The following SLC12A3 variants were observed in gnomAD, a reference collection of about 807,000 sequenced individuals.
SLC12A3 encodes the protein Na-Cl cotransporter.
In SLC12A3, 104 loss-of-function variants were observed where a neutral mutation model predicts 121.0. That is an observed-to-expected ratio of 0.86 (90% confidence interval 0.73 to 1.01). The LOEUF (loss-of-function observed/expected upper bound fraction) is 1.01. SLC12A3 is among the 50% of genes least tolerant of loss of function. SLC12A3 has a pLI of 0.00. For missense variants in SLC12A3, 1,328 were observed against 1,356.3 expected (o/e 0.98, Z 0.33); for synonymous variants, 536 against 533.4 (o/e 1.00, Z -0.07).
At chr16:56,909,855 G>A (rs546351365) in intron 25 of SLC12A3, among the ~76,000 whole-genome samples, 18 of 152,164 alleles carry the variant, frequency 1.2e-4, no homozygotes, top group Non-Finnish European at 1.9e-4. Flanking sequence ...CTAGCATCTG[G>A]GAGAGCGTGC....
chr16:56,905,809 A>G (rs2055601153), intron 25 of SLC12A3, among the ~76,000 whole-genome samples: 1 of 152,322 alleles, frequency 6.6e-6, no homozygotes, highest in South Asian at 2.1e-4. Flanking sequence ...GTTCAACACA[A>G]CTGATCATAG....
intron 22 of SLC12A3, among the ~76,000 whole-genome samples, chr16:56,896,063 C>A (rs1419239232): frequency 1.3e-5 from 2 of 152,216 alleles, no homozygotes; most frequent in Non-Finnish European, 2.9e-5. Flanking sequence ...TCCTAACAGG[C>A]CATGGTCAGT....
chr16:56,878,049 T>TCCCCCCCCCCCCCCCCCC, intron 8 of SLC12A3, 28 bp from the exon 9 acceptor site: 1 of 288,262 alleles, frequency 3.5e-6, no homozygotes, highest in Non-Finnish European at 6.7e-6. Context: ...CCTCCCTCCC[T>TCCCCCCCCCCCCCCCCCC]CCCTCCCTCT....
intron 23 of SLC12A3, among the ~76,000 whole-genome samples, chr16:56,901,688 G>C (rs1395907671): frequency 5.2e-5 from 7 of 135,424 alleles, no homozygotes; most frequent in Non-Finnish European, 1.6e-5. Flanking sequence ...TCGCACAGAA[G>C]ACCCCCAGCA....
At chr16:56,888,520 A>T (rs2144734163) in intron 18 of SLC12A3, among the ~76,000 whole-genome samples, 1 of 147,926 alleles carries the variant, frequency 6.8e-6, no homozygotes, top group East Asian at 2.0e-4. Context: ...CCGTGCAGAA[A>T]TGTGGGCCCA....
At chr16:56,877,997 C>T (rs1320455225) in intron 8 of SLC12A3, 80 bp from the exon 9 acceptor site, 2 of 781,378 alleles carry the variant, frequency 2.6e-6, no homozygotes, top group Non-Finnish European at 3.9e-6. Flanking sequence ...GGAAGGAGGC[C>T]CAGGGGCTGC....
intron 8 of SLC12A3, 80 bp downstream of exon 8, chr16:56,872,866 C>G: frequency 6.3e-7 from 1 of 1,580,364 alleles, no homozygotes; most frequent in Non-Finnish European, 8.7e-7. Flanking sequence ...GCTCTAGTGG[C>G]ATCTGCCGCT....
rs752506340 is a variant in SLC12A3, at chr16:56,870,631, T to C, written c.747T>C (p.Tyr249=). 6.8e-6 allele frequency: 11 copies of C among 1,605,870 alleles called. No homozygotes were observed. Among genetic ancestry groups the C allele is most frequent in the Non-Finnish European group, 2.6e-6 (3 of 1,172,522 alleles). The change falls in exon 6 of 26, where the codon TAT becomes TAC. Residue 249 remains tyrosine, a synonymous_variant. Transcript: ENST00000563236. The part of the protein sequence containing the change: ...AETVRDLLQE[Y]GAPIVDPIND... ...GGCCCATTTTCCCTCCCCAGGAGTATGGGGCACCCATCGTGGACCCCATTA... is the reference window on the plus strand; with the variant it reads ...GGCCCATTTTCCCTCCCCAGGAGTACGGGGCACCCATCGTGGACCCCATTA...
intron 23 of SLC12A3, among the ~76,000 whole-genome samples, chr16:56,900,987 C>A (rs1022013506): frequency 1.3e-5 from 2 of 152,282 alleles, no homozygotes; most frequent in African/African-American, 2.4e-5. Context: ...CAACCCACTG[C>A]CCCCGCTGTC....
At chr16:56,888,276 C>T (rs140731155) in intron 18 of SLC12A3, among the ~76,000 whole-genome samples, 1 of 152,328 alleles carries the variant, frequency 6.6e-6, no homozygotes, top group African/African-American at 2.4e-5. Context: ...AAGACCCCAT[C>T]TTTGAAAAAG....
chr16:56,882,254 C>T lies in SLC12A3; in HGVS notation c.1568-142C>T, dbSNP rs2055250476. The T allele has an allele frequency of 5.5e-6, 4 of 731,462 alleles. No homozygotes were observed. The South Asian group carries it at 5.8e-5, about 11-fold the overall frequency. 45.3% of individuals were successfully genotyped at this position (731,462 alleles called of 1,614,324 possible). A position where few individuals can be genotyped will look rare whatever the true frequency, so the allele number is the denominator to read the frequency against. On this transcript the variant is annotated intron_variant, in intron 12 of 25. Coordinates refer to ENST00000563236, the MANE Select transcript of SLC12A3 (RefSeq NM_001126108.2). ...GGACCCATCTCACAGATGAGGTGGA[C>T]CCATTTCACAGATGAGAAGGTTGAG...
chr16:56,880,132 C>T lies in SLC12A3; in HGVS notation c.1446C>T (p.Cys482=), dbSNP rs1235701445. The T allele has an allele frequency of 6.2e-7, 1 of 1,605,434 alleles. No individual in the cohort carries two copies. Among genetic ancestry groups the T allele is most frequent in the Admixed American group, 1.7e-5 (1 of 58,470 alleles). The change falls in exon 12 of 26, where the codon TGC becomes TGT. Residue 482 remains cysteine (C), a splice_region_variant and synonymous_variant. Transcript: ENST00000563236. ...CLVSAAKVFQ[C]LCEDQLYPLI... ...GAGTGCGGCATCTGGTGCTGCAGTG[C>T]CTTTGCGAGGACCAGCTGTACCCAC...
chr16:56,876,304 C>T (rs2055163118), intron 8 of SLC12A3, among the ~76,000 whole-genome samples: 1 of 152,190 alleles, frequency 6.6e-6, no homozygotes, highest in South Asian at 2.1e-4. Context: ...CAAATAAGGC[C>T]ACATTCTGAG....
rs745597855 is a variant in SLC12A3 at position 56,899,568 on chromosome 16, A to G, written c.2672A>G (p.His891Arg). Residue 891 changes from histidine (H) to arginine (R), a missense_variant, in exon 23 of 26, where the codon CAT becomes CGT. By Grantham distance (29) the His-to-Arg change is conservative. Transcript: ENST00000563236. ...CTGAGCAAGTTCCGACTGGGATTCC[A>G]TGAAGTCCACATCCTCCCTGACATC... is the stretch of plus-strand genomic sequence containing the variant. ...SLLSKFRLGF[H>R]EVHILPDINQ... 103 of 1,614,066 alleles carry G rather than the reference A, an allele frequency of 6.4e-5. 1 individual carries two copies. In the Admixed American group the frequency reaches 1.6e-3, roughly 26 times the overall value.
At chr16:56,871,252 G>A (rs2055092839) in intron 6 of SLC12A3, among the ~76,000 whole-genome samples, 1 of 152,188 alleles carries the variant, frequency 6.6e-6, no homozygotes, top group African/African-American at 2.4e-5. Context: ...CTGCGCCGTG[G>A]CCTTTGTCCA....
intron 8 of SLC12A3, among the ~76,000 whole-genome samples, chr16:56,875,777 G>A (rs1307225327): frequency 1.4e-5 from 2 of 141,030 alleles, no homozygotes; most frequent in East Asian, 5.3e-4. Context: ...GGACCTGGAT[G>A]TGCCTAACGT....
intron 17 of SLC12A3, among the ~76,000 whole-genome samples, chr16:56,887,692 C>G (rs2055332276): frequency 6.7e-6 from 1 of 148,506 alleles, no homozygotes; most frequent in African/African-American, 2.5e-5. Flanking sequence ...ATCGAGGATT[C>G]TGGAATTCAG....
chr16:56,868,757 G>T (rs1964420147), intron 3 of SLC12A3, among the ~76,000 whole-genome samples: 1 of 152,180 alleles, frequency 6.6e-6, no homozygotes, highest in South Asian at 2.1e-4. Context: ...GGATCACGAG[G>T]TCAGGAGTTC....
intron 22 of SLC12A3, 45 bp from the exon 23 acceptor site, chr16:56,899,485 T>C (rs1454120942): frequency 2.1e-6 from 3 of 1,459,982 alleles, no homozygotes; most frequent in Admixed American, 3.3e-5. Flanking sequence ...CAAGACGCTG[T>C]CTCAAGAAAA....
Sources: allele counts gnomAD v4.1 joint callset (sites outside exome capture counted in the v4.1 genomes callset), GRCh38; gene constraint gnomAD v4.1.1; transcripts MANE v1.5; gene names NCBI Gene and HGNC (gene_info 2026-07-23, HGNC 2026-07-21).